Variants in CALD1 observed in about 807,000 individuals in gnomAD.
CALD1 encodes the protein caldesmon 1.
In CALD1, 33 loss-of-function variants were observed where a neutral mutation model predicts 99.9. That is an observed-to-expected ratio of 0.33 (90% CI 0.25 to 0.44). CALD1 has a LOEUF of 0.44. Among genes scored for constraint, CALD1 ranks in the 20% least tolerant of loss-of-function variants. The probability of loss-of-function intolerance (pLI) is 1.00; values close to 1 mark genes in which losing one functional copy is unlikely to be tolerated. For missense variants in CALD1, 861 were observed against 962.1 expected (o/e 0.89, Z 1.39); for synonymous variants, 310 against 325.0 (o/e 0.95, Z 0.50).
At chr7:134,913,370 A>G (rs1435374805) in intron 3 of CALD1, among the ~76,000 whole-genome samples, 1 of 152,252 alleles carries the variant, frequency 6.6e-6, no homozygotes, top group Non-Finnish European at 1.5e-5. Flanking sequence ...CAATGCATTC[A>G]GCCAAGATGT....
Position 134,950,529 on chromosome 7 carries a change from A to C in CALD1, c.1935+15A>C. On this transcript the variant is annotated intron_variant, in intron 9 of 14. Coordinates refer to ENST00000361675, the MANE Select transcript of CALD1 (RefSeq NM_033138.4). Reference sequence around the variant, plus strand: ...CATCTCTCAAGGTATTTTTTTCCCCAGAAAACTTCTATTAGAATATGATAG... The same window carrying C: ...CATCTCTCAAGGTATTTTTTTCCCCCGAAAACTTCTATTAGAATATGATAG... 6.2e-7 allele frequency: 1 copy of C among 1,609,156 alleles called. No individual in the cohort carries two copies. The highest frequency in any genetic ancestry group is 8.5e-7 in the Non-Finnish European group (1 of 1,176,106).
chr7:134,857,158 C>CTT lies in CALD1; in HGVS notation c.-41-10509_-41-10508dup, dbSNP rs59210460. On this transcript the variant is annotated intron_variant, in intron 2 of 14. Coordinates refer to ENST00000361675, the MANE Select transcript of CALD1 (RefSeq NM_033138.4). ...AAAGATCCTATGGTTTTGCGCTATT[C>CTT]TTTTTTTTTTTTTTTTTTTTTTTTT... 5.5e-3 allele frequency among the ~76,000 whole-genome samples: 416 copies of CTT among 75,356 alleles called. 57 individuals carry two copies. Among genetic ancestry groups the CTT allele is most frequent in the African/African-American group, 0.014 (283 of 20,638 alleles). The allele number at this position is 75,356 out of a possible 152,430, so 49.4% of individuals were successfully genotyped here.
At chr7:134,946,833 G>A (rs1323781680) in intron 7 of CALD1, among the ~76,000 whole-genome samples, 1 of 151,350 alleles carries the variant, frequency 6.6e-6, no homozygotes, top group Non-Finnish European at 1.5e-5. Context: ...GGCACACGCC[G>A]CCACGCCCGG....
intron 1 of CALD1, among the ~76,000 whole-genome samples, chr7:134,810,883 G>A (rs1645493505): frequency 6.6e-6 from 1 of 152,144 alleles, no homozygotes; most frequent in Non-Finnish European, 1.5e-5. Context: ...ATTTTCCCAA[G>A]CACATGTCTA....
At position 134,933,502 on chromosome 7, in the gene CALD1, G is replaced by C. The variant is rs1805702632; in HGVS notation, c.733G>C (p.Glu245Gln). ...SEEPKQEEEREQGSDEISHHE... is the reference protein window; with the variant it reads ...SEEPKQEEERQQGSDEISHHE... The stretch of plus-strand genomic sequence containing the variant: ...AGAGCCTAAACAAGAGGAGGAGAGG[G>C]AACAAGGTTCAGATGAGATTTCCCA... The change falls in exon 5 of 15, where the codon GAA becomes CAA. Residue 245 changes from glutamate (E) to glutamine (Q), a missense_variant. Around this residue, in one of 5 missense-constraint regions of CALD1, gnomAD observed 234 missense variants for 233.1 expected, o/e 1.00. Transcript: ENST00000361675. The C allele has an allele frequency of 3.7e-6, 6 of 1,613,786 alleles. No homozygotes were observed. The highest frequency in any genetic ancestry group is 1.7e-5 in the Admixed American group (1 of 59,964).
intron 1 of CALD1, among the ~76,000 whole-genome samples, chr7:134,790,839 C>A (rs910340862): frequency 6.6e-6 from 1 of 152,142 alleles, no homozygotes; most frequent in African/African-American, 2.4e-5. Flanking sequence ...TTCAACTACT[C>A]GTACAAATAC....
intron 9 of CALD1, among the ~76,000 whole-genome samples, chr7:134,956,853 G>A (rs1807811498): frequency 6.6e-6 from 1 of 152,174 alleles, no homozygotes; most frequent in Non-Finnish European, 1.5e-5. Flanking sequence ...GGGTGGTAGA[G>A]GATATTTCTA....
At chr7:134,893,382 G>A (rs540767786) in intron 3 of CALD1, among the ~76,000 whole-genome samples, 169 of 152,130 alleles carry the variant, frequency 1.1e-3, no homozygotes, top group African/African-American at 4.0e-3. Flanking sequence ...TCTGACTTCC[G>A]CCAGGGAGAA....
chr7:134,871,076 C>T (rs993004419), intron 3 of CALD1, among the ~76,000 whole-genome samples: 2 of 152,106 alleles, frequency 1.3e-5, no homozygotes, highest in Admixed American at 6.6e-5. Flanking sequence ...CCTTTAGCTC[C>T]AGACCTTGGC....
chr7:134,868,313 C>G (rs1021989175), intron 3 of CALD1: 1 of 152,226 alleles, frequency 6.6e-6, no homozygotes, highest in South Asian at 2.1e-4. Context: ...GCTATGTTAC[C>G]GAGGAGATTC....
At chr7:134,775,097 A>T (rs1796906927), upstream of CALD1, among the ~76,000 whole-genome samples, 1 of 152,148 alleles carries the variant, frequency 6.6e-6, no homozygotes. Flanking sequence ...AGTTTATTAT[A>T]GTGTGTAGTA....
chr7:134,872,212 C>T (rs1801119266), intron 3 of CALD1, among the ~76,000 whole-genome samples: 1 of 152,100 alleles, frequency 6.6e-6, no homozygotes, highest in Non-Finnish European at 1.5e-5. Context: ...CAAAAAGTAG[C>T]TAGGCATGGT....
At chr7:134,799,780 C>T (rs1169983766) in intron 1 of CALD1, among the ~76,000 whole-genome samples, 1 of 152,066 alleles carries the variant, frequency 6.6e-6, no homozygotes, top group Non-Finnish European at 1.5e-5. Flanking sequence ...TAGAAAATAC[C>T]ATGACAATAA....
At chr7:134,790,839 C>T (rs910340862) in intron 1 of CALD1, among the ~76,000 whole-genome samples, 9 of 152,260 alleles carry the variant, frequency 5.9e-5, no homozygotes, top group Non-Finnish European at 1.3e-4. Context: ...TTCAACTACT[C>T]GTACAAATAC....
At chr7:134,961,715 T>C (rs1808277122) in intron 13 of CALD1, 1 of 152,106 alleles carries the variant, frequency 6.6e-6, no homozygotes, top group Non-Finnish European at 1.5e-5. Flanking sequence ...AAAATCTTTA[T>C]ACATTGAAAA....
chr7:134,721,888 G>A, the CALD1 span, among the ~76,000 whole-genome samples: 2 of 152,310 alleles, frequency 1.3e-5, 1 homozygote, highest in Admixed American at 1.3e-4. Context: ...AGCTCGTGCT[G>A]TGTAATTTAT....
At chr7:134,812,394 C>CA (rs1355479630) in intron 1 of CALD1, among the ~76,000 whole-genome samples, 1 of 152,108 alleles carries the variant, frequency 6.6e-6, no homozygotes, top group Non-Finnish European at 1.5e-5. Context: ...AAGCAGAATG[C>CA]AAAATTGGGG....
At chr7:134,798,162 A>G (rs17168041) in intron 1 of CALD1, among the ~76,000 whole-genome samples, 9,339 of 152,332 alleles carry the variant, frequency 0.061, 332 homozygotes, top group African/African-American at 0.095. Context: ...TAATGTTCAC[A>G]TTGTAGCTAT....
chr7:134,713,427 T>C, the CALD1 span, among the ~76,000 whole-genome samples: 1 of 152,054 alleles, frequency 6.6e-6, no homozygotes, highest in Admixed American at 6.6e-5. Flanking sequence ...GTGGGGAAGG[T>C]TGGGAATGAC....
Sources: allele counts gnomAD v4.1 joint callset (sites outside exome capture counted in the v4.1 genomes callset), GRCh38; gene constraint gnomAD v4.1.1; regional missense constraint gnomAD v4.1.1; transcripts MANE v1.5; gene names NCBI Gene and HGNC (gene_info 2026-07-23, HGNC 2026-07-21).